IRAK2: variants seen among roughly 807,000 people sequenced by gnomAD.
IRAK2 encodes the protein interleukin-1 receptor-associated kinase-like 2.
IRAK2 carries 57 observed loss-of-function variants against 72.0 expected under a neutral mutation model. The observed-to-expected ratio is 0.79, with a 90% CI of 0.64 to 0.99. IRAK2 has a LOEUF of 0.99. IRAK2 is among the 50% of genes least tolerant of loss of function. IRAK2 has a pLI of 0.00. For synonymous variants in IRAK2, 293 were observed against 312.7 expected, an observed-to-expected ratio of 0.94 and a Z score of 0.67; for missense variants, 790 against 794.4, an observed-to-expected ratio of 0.99 and a Z score of 0.07.
chr3:10,177,908 C>T lies in IRAK2; in HGVS notation c.165C>T (p.Ser55=). Residue 55 remains serine, a synonymous_variant, in exon 2 of 13, where the codon AGC becomes AGT. Transcript: ENST00000256458. The part of the protein sequence containing the change: ...IKSMERVQGV[S]ITRELLWWWG... ...CCATGGAGCGGGTGCAGGGTGTGAG[C>T]ATCACGCGGGAGCTGCTGTGGTGGT... 1.9e-6 allele frequency: 3 copies of T among 1,613,874 alleles called. No homozygotes were observed. The highest frequency in any genetic ancestry group is 8.5e-7 in the Non-Finnish European group (1 of 1,180,014).
chr3:10,232,763 A>T (rs996639414), intron 10 of IRAK2, among the ~76,000 whole-genome samples: 10 of 23,390 alleles, frequency 4.3e-4, no homozygotes, highest in African/African-American at 8.9e-4. Context: ...GTACACTTTA[A>T]AAAAAAAATA....
rs779886235 is a variant in IRAK2, at chr3:10,217,057, C to G, written c.903+9C>G. On this transcript the variant is annotated intron_variant, in intron 7 of 12. Transcript: ENST00000256458. ...ACAGACTGCAGGGTCAGGTAAGGGA[C>G]TGGGTCATGGTCAGAGAATGGGACC... The G allele has an allele frequency of 6.3e-7, 1 of 1,588,776 alleles. No homozygotes were observed. Among genetic ancestry groups the G allele is most frequent in the Non-Finnish European group, 8.6e-7 (1 of 1,156,972 alleles).
intron 3 of IRAK2, among the ~76,000 whole-genome samples, chr3:10,201,978 T>A (rs1697367351): frequency 6.6e-6 from 1 of 152,244 alleles, no homozygotes; most frequent in African/African-American, 2.4e-5. Context: ...ATGAGGAGAA[T>A]AATAGACCCT....
At chr3:10,192,734 T>C (rs1697196748) in intron 2 of IRAK2, among the ~76,000 whole-genome samples, 1 of 152,130 alleles carries the variant, frequency 6.6e-6, no homozygotes, top group Non-Finnish European at 1.5e-5. Context: ...GCCTGGCCAA[T>C]ATGGCAAAAC....
intron 3 of IRAK2, among the ~76,000 whole-genome samples, chr3:10,200,908 C>CA (rs1697349444): frequency 6.6e-6 from 1 of 152,062 alleles, no homozygotes; most frequent in African/African-American, 2.4e-5. Flanking sequence ...CTAAAGAAAG[C>CA]AAAAAATCTG....
At chr3:10,215,497 C>T (rs1697589055) in intron 6 of IRAK2, among the ~76,000 whole-genome samples, 2 of 150,240 alleles carry the variant, frequency 1.3e-5, no homozygotes, top group Admixed American at 1.3e-4. Flanking sequence ...TTTTTCACAG[C>T]ACCTATAAAT....
intron 2 of IRAK2, among the ~76,000 whole-genome samples, chr3:10,180,227 C>T (rs879638506): frequency 8.5e-5 from 13 of 152,074 alleles, no homozygotes; most frequent in East Asian, 1.9e-4. Flanking sequence ...ACCCCCTCAG[C>T]GTAGGGCAGG....
At chr3:10,219,645 G>A (rs144185216) in intron 7 of IRAK2, 35 bp from the exon 8 acceptor site, 23,924 of 1,516,832 alleles carry the variant, frequency 0.016, 267 homozygotes, top group Non-Finnish European at 0.019. Flanking sequence ...AAGGTACATT[G>A]TGACTATTTG....
chr3:10,234,561 C>CT lies in IRAK2; in HGVS notation c.1376dup (p.Glu460GlyfsTer27). Reference sequence around the variant, plus strand: ...GGCAAAGGAGATCTGCCAGAAGTACCTGGAGAAGGGCGCAGGGAGGCTTCC... The same window carrying CT: ...GGCAAAGGAGATCTGCCAGAAGTACCTTGGAGAAGGGCGCAGGGAGGCTTCC... On this transcript the variant is annotated frameshift_variant, in exon 11 of 13. Coordinates refer to ENST00000256458, the MANE Select transcript of IRAK2 (RefSeq NM_001570.4). LOFTEE classifies it high-confidence loss of function. The CT allele has an allele frequency of 1.2e-6, 2 of 1,614,064 alleles. No individual in the cohort carries two copies. Among genetic ancestry groups the CT allele is most frequent in the South Asian group, 2.2e-5 (2 of 91,090 alleles).
intron 2 of IRAK2, among the ~76,000 whole-genome samples, chr3:10,198,390 TGGGGATTGGGGCGTCTGCCCCTGG>T (rs966694895): frequency 1.3e-5 from 2 of 152,158 alleles, no homozygotes; most frequent in Admixed American, 6.6e-5. Context: ...CCTGTTTGTC[TGGGGATTGGGGCGTCTGCCCCTGG>T]GGGAATTGGG....
At chr3:10,199,351 G>T (rs1697318783) in intron 2 of IRAK2, among the ~76,000 whole-genome samples, 1 of 152,168 alleles carries the variant, frequency 6.6e-6, no homozygotes, top group South Asian at 2.1e-4. Context: ...GCGTGCCTTT[G>T]GCATGTGATC....
chr3:10,189,834 C>T (rs1697145911), intron 2 of IRAK2, among the ~76,000 whole-genome samples: 1 of 152,072 alleles, frequency 6.6e-6, no homozygotes, highest in Non-Finnish European at 1.5e-5. Flanking sequence ...GGCTGCCCTG[C>T]CTCCGCCCCT....
At chr3:10,191,249 C>T (rs916059860) in intron 2 of IRAK2, among the ~76,000 whole-genome samples, 42 of 151,318 alleles carry the variant, frequency 2.8e-4, no homozygotes, top group African/African-American at 9.7e-4. Context: ...GAGCCGAGAT[C>T]GCGCCACTGC....
chr3:10,209,643 A>G lies in IRAK2; in HGVS notation c.479A>G (p.Asp160Gly). The G allele has an allele frequency of 6.4e-7, 1 of 1,571,978 alleles. No individual in the cohort carries two copies. The highest frequency in any genetic ancestry group is 8.6e-7 in the Non-Finnish European group (1 of 1,161,270). The change falls in exon 4 of 13, where the codon GAT becomes GGT. Residue 160 changes from aspartate (D) to glycine (G), a missense_variant. Physicochemically the swap from Asp to Gly is moderately conservative, Grantham distance 94 (BLOSUM62 -1). Transcript: ENST00000256458. ...GCCTTTCTCCAGCCTCCTGAAGAAG[A>G]TGCCCCTCATTCCTTGAGAAGCGAC... ...QPAFLQPPEE[D>G]APHSLRSDLP... is the part of the protein sequence containing the mutation.
chr3:10,234,840 G>A (rs1697927793), intron 11 of IRAK2, among the ~76,000 whole-genome samples, 181 bp downstream of exon 11: 1 of 152,210 alleles, frequency 6.6e-6, no homozygotes, highest in African/African-American at 2.4e-5. Flanking sequence ...CGGAGCCCGA[G>A]GACGGGTATT....
intron 2 of IRAK2, among the ~76,000 whole-genome samples, chr3:10,196,777 G>T (rs148852938): frequency 1.2e-4 from 18 of 152,268 alleles, no homozygotes; most frequent in African/African-American, 3.6e-4. Flanking sequence ...GAGATCTCCA[G>T]GGTTGTGGGG....
chr3:10,192,062 T>TGTG (rs1697184303), intron 2 of IRAK2, among the ~76,000 whole-genome samples: 12 of 107,372 alleles, frequency 1.1e-4, no homozygotes, highest in Non-Finnish European at 2.1e-4. Context: ...GTGTGTGTGT[T>TGTG]GTGTGTTGTG....
At chr3:10,220,300 C>A (rs896085483) in intron 8 of IRAK2, among the ~76,000 whole-genome samples, 1 of 152,206 alleles carries the variant, frequency 6.6e-6, no homozygotes, top group Non-Finnish European at 1.5e-5. Context: ...AGGTCCCCAT[C>A]TGGAGACGGT....
At chr3:10,202,480 G>A (rs1415970687) in intron 3 of IRAK2, among the ~76,000 whole-genome samples, 2 of 152,012 alleles carry the variant, frequency 1.3e-5, no homozygotes, top group East Asian at 1.9e-4. Flanking sequence ...AAAATTGGCC[G>A]GGCGTGGTGG....
Sources: gnomAD v4.1 joint callset for allele counts (sites outside exome capture counted in the v4.1 genomes callset) on GRCh38, gnomAD v4.1.1 for gene constraint, MANE v1.5 for transcripts, NCBI Gene and HGNC (gene_info 2026-07-23, HGNC 2026-07-21) for gene names.